USP32: variants seen among roughly 807,000 people sequenced by gnomAD.
USP32 encodes the protein ubiquitin carboxyl-terminal hydrolase 32.
A neutral mutation model predicts 204.8 loss-of-function variants in USP32; 59 were observed. That is an observed-to-expected ratio of 0.29 (90% CI 0.23 to 0.36). The LOEUF (loss-of-function observed/expected upper bound fraction) is 0.36, where lower values mean the gene tolerates loss of function less well. Among genes scored for constraint, USP32 ranks in the 10% least tolerant of loss-of-function variants. The pLI is 1.00. For missense variants in USP32, 1,160 were observed against 1,946.4 expected (o/e 0.60, Z 7.60); for synonymous variants, 517 against 678.4 (o/e 0.76, Z 3.70).
intron 1 of USP32, among the ~76,000 whole-genome samples, chr17:60,419,933 C>T (rs1157294885): frequency 2.7e-5 from 4 of 148,022 alleles, no homozygotes; most frequent in Admixed American, 1.4e-4. Context: ...GGTCTTGGCT[C>T]ACTGCAACCT....
chr17:60,247,153 T>C (rs73324911), intron 11 of USP32, among the ~76,000 whole-genome samples: 5,306 of 152,174 alleles, frequency 0.035, 319 homozygotes, highest in African/African-American at 0.12. Context: ...GTAGTTTAGG[T>C]CTTAGATTTA....
intron 1 of USP32, among the ~76,000 whole-genome samples, chr17:60,387,574 T>G (rs1245578684): frequency 1.3e-5 from 2 of 152,220 alleles, no homozygotes; most frequent in Non-Finnish European, 2.9e-5. Flanking sequence ...ACATATTATG[T>G]GCATTATTAA....
At chr17:60,230,603 C>T (rs1418343672) in intron 12 of USP32, among the ~76,000 whole-genome samples, 1 of 152,166 alleles carries the variant, frequency 6.6e-6, no homozygotes, top group Non-Finnish European at 1.5e-5. Context: ...TTCCAATGCT[C>T]CAAACAAACT....
chr17:60,361,861 C>A (rs1429977554), intron 1 of USP32, among the ~76,000 whole-genome samples: 13 of 151,976 alleles, frequency 8.6e-5, no homozygotes, highest in Non-Finnish European at 1.6e-4. Context: ...GAGAAAGATA[C>A]ATGTATATAT....
intron 1 of USP32, among the ~76,000 whole-genome samples, chr17:60,347,205 G>A (rs1288708303): frequency 6.6e-6 from 1 of 151,296 alleles, no homozygotes; most frequent in East Asian, 1.9e-4. Flanking sequence ...CTTTTTTTGA[G>A]ACAGAGTCTC....
intron 5 of USP32, among the ~76,000 whole-genome samples, chr17:60,287,833 G>A (rs2087156847): frequency 1.3e-5 from 2 of 152,220 alleles, no homozygotes; most frequent in Admixed American, 6.5e-5. Flanking sequence ...AATTTCTCAG[G>A]CCGGGCATGG....
rs2084166357 is a variant in USP32, at chr17:60,183,417, G to A, written c.3871C>T (p.Arg1291Trp). 1.2e-6 allele frequency: 2 copies of A among 1,612,116 alleles called. No individual in the cohort carries two copies. Among genetic ancestry groups the A allele is most frequent in the Non-Finnish European group, 1.7e-6 (2 of 1,178,766 alleles). Residue 1291 changes from arginine to tryptophan, a missense_variant, in exon 31 of 34, where the codon CGG becomes TGG. Around this residue, in one of 8 missense-constraint regions of USP32, gnomAD observed 160 missense variants for 322.5 expected, o/e 0.50. Coordinates refer to ENST00000300896, the MANE Select transcript of USP32 (RefSeq NM_032582.4). The part of the protein sequence containing the change: ...HLKRFQFVNG[R>W]WIKSQKIVKF... ...ACAATTTTCTGTGATTTTATCCACCGACCATTTACAAATTGAAATCGCTTA... is the reference window on the plus strand; with the variant it reads ...ACAATTTTCTGTGATTTTATCCACCAACCATTTACAAATTGAAATCGCTTA...
chr17:60,271,450 T>C lies in USP32; in HGVS notation c.603A>G (p.Lys201=). 1.2e-6 allele frequency: 2 copies of C among 1,614,004 alleles called. No individual in the cohort carries two copies. Among genetic ancestry groups the C allele is most frequent in the Non-Finnish European group, 1.7e-6 (2 of 1,179,952 alleles). The change falls in exon 6 of 34, where the codon AAA becomes AAG. Residue 201 remains lysine (K), a synonymous_variant. Transcript: ENST00000300896. ...LEESDIIDLE[K]RYWLLKAQSR... Reference sequence around the variant, plus strand: ...ATTGAGCCTTCAATAACCAATAGCGTTTCTCAAGATCAATGATGTCTGATT... The same window carrying C: ...ATTGAGCCTTCAATAACCAATAGCGCTTCTCAAGATCAATGATGTCTGATT...
At chr17:60,221,654 G>A (rs1318814634) in intron 15 of USP32, among the ~76,000 whole-genome samples, 1 of 152,000 alleles carries the variant, frequency 6.6e-6, no homozygotes, top group African/African-American at 2.4e-5. Flanking sequence ...CTACAGGAGT[G>A]TGCCACCACA....
intron 1 of USP32, among the ~76,000 whole-genome samples, chr17:60,363,352 G>C (rs895971195): frequency 7.3e-5 from 11 of 151,074 alleles, no homozygotes; most frequent in African/African-American, 2.7e-4. Flanking sequence ...CTACTCAGGA[G>C]GCTGAGGCAG....
At chr17:60,406,642 A>G (rs1344874569) in intron 1 of USP32, among the ~76,000 whole-genome samples, 1 of 151,730 alleles carries the variant, frequency 6.6e-6, no homozygotes, top group Non-Finnish European at 1.5e-5. Flanking sequence ...CAGCCTCCTG[A>G]GTAGCTGTGA....
Position 60,356,397 on chromosome 17 carries a change from C to G in USP32, c.59-10789G>C, listed in dbSNP as rs544228933. ...TGTGCCCCAAAATTCCCATATCTCTCACTTTGGCTGACCTTAAACCTCCAC... is the reference window on the plus strand; with the variant it reads ...TGTGCCCCAAAATTCCCATATCTCTGACTTTGGCTGACCTTAAACCTCCAC... On this transcript the variant is annotated intron_variant, in intron 1 of 33. Transcript: ENST00000300896. Among the ~76,000 whole-genome samples the G allele has an allele frequency of 2.0e-5, 3 of 152,204 alleles. No homozygotes were observed. In the East Asian group the frequency reaches 5.8e-4, roughly 29 times the overall value.
At chr17:60,181,783 CA>C in intron 31 of USP32, 35 bp from the exon 32 acceptor site, 1 of 1,581,002 alleles carries the variant, frequency 6.3e-7, no homozygotes, top group Non-Finnish European at 8.6e-7. Flanking sequence ...TTCACAAATT[CA>C]AATGCCACAA....
rs796712684 is a variant in USP32 at position 60,228,495 on chromosome 17, C to CT, written c.1240-2265dup. On this transcript the variant is annotated intron_variant, in intron 12 of 33. Transcript: ENST00000300896. Reference sequence around the variant, plus strand: ...GACATTTAAATTAGGTTTCTTTTTTCTTTTTCTTTTTTTTTTTTTTTTTAA... The same window carrying CT: ...GACATTTAAATTAGGTTTCTTTTTTCTTTTTTCTTTTTTTTTTTTTTTTTAA... Among the ~76,000 whole-genome samples, 129 of 135,706 alleles carry CT rather than the reference C, an allele frequency of 9.5e-4. 1 individual carries two copies. The highest frequency in any genetic ancestry group is 3.6e-3 in the African/African-American group (114 of 31,950). The allele number at this position is 135,706 out of a possible 152,430, so 89.0% of individuals were successfully genotyped here. A position where few individuals can be genotyped will look rare whatever the true frequency, so the allele number is the denominator to read the frequency against.
Position 60,381,820 on chromosome 17 carries a change from C to T in USP32, c.58+10062G>A, listed in dbSNP as rs182037994. On this transcript the variant is annotated intron_variant, in intron 1 of 33. Coordinates refer to ENST00000300896, the MANE Select transcript of USP32 (RefSeq NM_032582.4). Reference sequence around the variant, plus strand: ...GGGATGCATCCAAGGAATTATCCTGCAAAATTAAGATACAGAACATTTCCA... The same window carrying T: ...GGGATGCATCCAAGGAATTATCCTGTAAAATTAAGATACAGAACATTTCCA... Among the ~76,000 whole-genome samples the T allele has an allele frequency of 6.1e-3, 933 of 152,306 alleles. 3 individuals are homozygous for T. Among genetic ancestry groups the T allele is most frequent in the Non-Finnish European group, 0.011 (722 of 68,034 alleles).
rs141851529 is a variant in USP32 at position 60,184,060 on chromosome 17, G to A, written c.3835-607C>T. Among the ~76,000 whole-genome samples, 540 of 152,162 alleles carry A rather than the reference G, an allele frequency of 3.5e-3. 2 individuals are homozygous for A. Among genetic ancestry groups the A allele is most frequent in the African/African-American group, 0.012 (495 of 41,534 alleles). ...CCCGCGCTTTGGGAGGCCAAGGCGG[G>A]TGGCTCATGAGGTCAGGAGATCGAG... On this transcript the variant is annotated intron_variant, in intron 30 of 33. Transcript: ENST00000300896.
At chr17:60,299,684 G>C (rs2087525031) in intron 3 of USP32, among the ~76,000 whole-genome samples, 1 of 152,224 alleles carries the variant, frequency 6.6e-6, no homozygotes, top group African/African-American at 2.4e-5. Context: ...CTAGATTCAA[G>C]AATAGGAGGG....
intron 5 of USP32, among the ~76,000 whole-genome samples, chr17:60,276,936 A>G (rs1042770685): frequency 6.7e-5 from 9 of 135,058 alleles, no homozygotes; most frequent in Non-Finnish European, 1.2e-4. Flanking sequence ...GCTAAAGTAG[A>G]TTACATATAC....
chr17:60,228,125 A>G (rs767445276), intron 12 of USP32, among the ~76,000 whole-genome samples: 13 of 152,032 alleles, frequency 8.6e-5, no homozygotes, highest in Non-Finnish European at 1.5e-4. Context: ...TCTAGCTTCA[A>G]ATGATTCTCC....
Sources: gnomAD v4.1 joint callset for allele counts (sites outside exome capture counted in the v4.1 genomes callset) on GRCh38, gnomAD v4.1.1 for gene constraint, gnomAD v4.1.1 regional missense constraint, MANE v1.5 for transcripts, NCBI Gene and HGNC (gene_info 2026-07-23, HGNC 2026-07-21) for gene names.